Variants in CNPY1 observed in about 807,000 individuals in gnomAD.
CNPY1 encodes the protein protein canopy homolog 1.
In CNPY1, 14 loss-of-function variants were observed where a neutral mutation model predicts 14.4. The observed-to-expected ratio is 0.97, with a 90% confidence interval of 0.64 to 1.52. CNPY1 has a LOEUF of 1.52. CNPY1 is among the 40% of genes most tolerant of loss of function. The pLI, the probability that CNPY1 is intolerant of heterozygous loss-of-function variation, is 0.00. For synonymous variants in CNPY1, 43 were observed against 46.5 expected (o/e 0.92, Z 0.31); for missense variants, 129 against 131.5 (o/e 0.98, Z 0.09).
intron 2 of CNPY1, among the ~76,000 whole-genome samples, chr7:155,533,552 C>T (rs1210495756): frequency 6.6e-6 from 1 of 152,202 alleles, no homozygotes; most frequent in Non-Finnish European, 1.5e-5. Context: ...CGCGGGAAGC[C>T]CCGCAGCACC....
intron 2 of CNPY1, among the ~76,000 whole-genome samples, chr7:155,518,137 C>A (rs1796656809): frequency 6.6e-6 from 1 of 152,162 alleles, no homozygotes; most frequent in Non-Finnish European, 1.5e-5. Flanking sequence ...GATCTGGGAG[C>A]TGCCAGGAGG....
At chr7:155,527,030 T>TTTTTCTTTCTTTCTTTCTTTC in intron 2 of CNPY1, among the ~76,000 whole-genome samples, 1 of 83,272 alleles carries the variant, frequency 1.2e-5, no homozygotes, top group East Asian at 3.7e-4. Context: ...TTCTTTTCTT[T>TTTTTCTTTCTTTCTTTCTTTC]TTTCTTTCTT....
chr7:155,529,033 C>T (rs1796887358), intron 2 of CNPY1, among the ~76,000 whole-genome samples: 1 of 150,712 alleles, frequency 6.6e-6, no homozygotes, highest in Admixed American at 6.6e-5. Flanking sequence ...TGCACTCCAG[C>T]CTGGGTGACA....
intron 2 of CNPY1, among the ~76,000 whole-genome samples, chr7:155,520,431 T>TC (rs1276069608): frequency 7.4e-5 from 3 of 40,478 alleles, no homozygotes; most frequent in African/African-American, 7.9e-5. Context: ...TTTCTTTCTT[T>TC]TTTTTTTTTT....
At chr7:155,515,650 C>T (rs980341053) in intron 2 of CNPY1, among the ~76,000 whole-genome samples, 7 of 151,892 alleles carry the variant, frequency 4.6e-5, no homozygotes, top group East Asian at 1.9e-4. Context: ...GGGGATTTCT[C>T]GGAGGTGCAT....
chr7:155,537,782 C>T (rs945840462), intron 2 of CNPY1, among the ~76,000 whole-genome samples: 1 of 151,998 alleles, frequency 6.6e-6, no homozygotes, highest in Non-Finnish European at 1.5e-5. Flanking sequence ...GTTCCATCTT[C>T]TTAAGAACAA....
chr7:155,524,600 G>C (rs2116723590), intron 2 of CNPY1, among the ~76,000 whole-genome samples: 1 of 152,296 alleles, frequency 6.6e-6, no homozygotes, highest in South Asian at 2.1e-4. Context: ...CTGATGATCT[G>C]CCACTGTCTC....
intron 2 of CNPY1, among the ~76,000 whole-genome samples, chr7:155,528,952 T>C (rs1585326069): frequency 6.6e-6 from 1 of 151,840 alleles, no homozygotes; most frequent in South Asian, 2.1e-4. Flanking sequence ...TCCCAGCTAC[T>C]TGGGAAGCTG....
At chr7:155,527,198 C>T (rs1796842279) in intron 2 of CNPY1, among the ~76,000 whole-genome samples, 5 of 151,152 alleles carry the variant, frequency 3.3e-5, no homozygotes, top group Admixed American at 3.3e-4. Flanking sequence ...ACTACAGGCA[C>T]CTGTCACCAT....
chr7:155,515,455 G>A (rs573660191), intron 2 of CNPY1, among the ~76,000 whole-genome samples: 4 of 152,212 alleles, frequency 2.6e-5, no homozygotes, highest in African/African-American at 4.8e-5. Flanking sequence ...CATGGGAGAC[G>A]CCTCACCCAC....
intron 2 of CNPY1, among the ~76,000 whole-genome samples, chr7:155,522,763 G>A (rs777649163): frequency 1.3e-5 from 2 of 152,164 alleles, no homozygotes; most frequent in African/African-American, 4.8e-5. Context: ...CGCTAGTCAC[G>A]CATAGCACCA....
intron 2 of CNPY1, among the ~76,000 whole-genome samples, chr7:155,541,132 GC>G (rs920169661): frequency 6.6e-6 from 1 of 152,212 alleles, no homozygotes; most frequent in African/African-American, 2.4e-5. Flanking sequence ...GTCCCCAACA[GC>G]CCCAGGCCAA....
At chr7:155,530,361 G>A (rs962921511) in intron 2 of CNPY1, among the ~76,000 whole-genome samples, 3 of 145,702 alleles carry the variant, frequency 2.1e-5, no homozygotes, top group African/African-American at 5.2e-5. Context: ...GTATAGTGGC[G>A]CAGTTATAGC....
intron 2 of CNPY1, among the ~76,000 whole-genome samples, chr7:155,515,676 T>A (rs1796608507): frequency 6.6e-6 from 1 of 151,978 alleles, no homozygotes; most frequent in Admixed American, 6.6e-5. Context: ...GGCAGATTTG[T>A]GCTGCTGACT....
intron 2 of CNPY1, among the ~76,000 whole-genome samples, chr7:155,514,482 T>C (rs1861963): frequency 0.17 from 26,201 of 152,212 alleles, 2,764 homozygotes; most frequent in East Asian, 0.34. Context: ...GAACCACCTC[T>C]GCAAAACATT....
chr7:155,520,903 G>A (rs1255534864), intron 2 of CNPY1, among the ~76,000 whole-genome samples: 3 of 152,130 alleles, frequency 2.0e-5, no homozygotes, highest in African/African-American at 4.8e-5. Flanking sequence ...GAGGCAGGCG[G>A]ATCACTTGAG....
At chr7:155,537,848 A>T (rs1325273271) in intron 2 of CNPY1, among the ~76,000 whole-genome samples, 1 of 152,148 alleles carries the variant, frequency 6.6e-6, no homozygotes, top group Non-Finnish European at 1.5e-5. Context: ...TTGATTTCTA[A>T]AAAAAAACCT....
rs373207215 is a variant in CNPY1, at chr7:155,503,061, G to A, written c.*7C>T. 1.1e-5 allele frequency: 17 copies of A among 1,608,792 alleles called. No homozygotes were observed. The highest frequency in any genetic ancestry group is 6.7e-5 in the African/African-American group (5 of 74,464). On this transcript the variant is annotated 3_prime_UTR_variant, in exon 5 of 5. Transcript: ENST00000636446. ...TACTCCTCTCTACGACCAGCAGAAC[G>A]GCACTCCTAGAGCTCAGTATGATTA...
At chr7:155,544,042 A>C (rs947502748) in intron 2 of CNPY1, among the ~76,000 whole-genome samples, 2 of 152,242 alleles carry the variant, frequency 1.3e-5, no homozygotes, top group Non-Finnish European at 2.9e-5. Flanking sequence ...CTCCAGGCAA[A>C]CTTAATTCCA....
Sources: gnomAD v4.1 joint callset for allele counts (sites outside exome capture counted in the v4.1 genomes callset) on GRCh38, gnomAD v4.1.1 for gene constraint, MANE v1.5 for transcripts, NCBI Gene and HGNC (gene_info 2026-07-23, HGNC 2026-07-21) for gene names.